Variants in GRIK4 observed in about 807,000 individuals in gnomAD.
The protein encoded by GRIK4 is glutamate ionotropic receptor kainate type subunit 4.
In GRIK4, 40 loss-of-function variants were observed where a neutral mutation model predicts 104.9. That is an observed-to-expected ratio of 0.38 (90% confidence interval 0.30 to 0.50). GRIK4 has a LOEUF of 0.50. Among genes scored for constraint, GRIK4 ranks in the 20% least tolerant of loss-of-function variants. The probability of loss-of-function intolerance (pLI) is 0.93; values close to 1 mark genes in which losing one functional copy is unlikely to be tolerated. For missense variants in GRIK4, 1,047 were observed against 1,308.1 expected (o/e 0.80, Z 3.08); for synonymous variants, 485 against 524.9 (o/e 0.92, Z 1.04).
chr11:120,712,053 G>A (rs765078771), intron 3 of GRIK4, among the ~76,000 whole-genome samples: 6 of 152,264 alleles, frequency 3.9e-5, no homozygotes, highest in African/African-American at 1.2e-4. Flanking sequence ...ACACAAGGTC[G>A]CTGCTTCACG....
intron 3 of GRIK4, among the ~76,000 whole-genome samples, chr11:120,768,026 T>G (rs1951869607): frequency 6.7e-6 from 1 of 149,494 alleles, no homozygotes; most frequent in Non-Finnish European, 1.5e-5. Context: ...CTTTGGATAT[T>G]AAGGGTTTTT....
intron 1 of GRIK4, among the ~76,000 whole-genome samples, chr11:120,637,584 G>A (rs55855531): frequency 0.01 from 1,555 of 152,282 alleles, 15 homozygotes; most frequent in South Asian, 0.045. Flanking sequence ...CAGCAACAGC[G>A]AGCCATGTGG....
intron 1 of GRIK4, among the ~76,000 whole-genome samples, chr11:120,541,097 G>A (rs1197071238): frequency 1.3e-5 from 2 of 152,266 alleles, no homozygotes; most frequent in African/African-American, 4.8e-5. Context: ...CTGGACTGAG[G>A]CGCAGCTACC....
Position 120,903,339 on chromosome 11 carries a change from C to T in GRIK4, c.1273-1951C>T, listed in dbSNP as rs1412229582. On this transcript the variant is annotated intron_variant, in intron 12 of 20. Coordinates refer to ENST00000527524, the MANE Select transcript of GRIK4 (RefSeq NM_014619.5). The surrounding 1 kb of genome is among the most constrained non-coding windows in gnomAD (Gnocchi z 4.4). ...TCTTCCCACACACCAAGACTCAAGC[C>T]TATCTGCCCCACTTTCAGCACAACT... Among the ~76,000 whole-genome samples, 1 of 152,108 alleles carries T rather than the reference C, an allele frequency of 6.6e-6. No individual in the cohort carries two copies. The highest frequency in any genetic ancestry group is 1.9e-4 in the East Asian group (1 of 5,176).
chr11:120,643,217 G>C (rs1199192724), intron 1 of GRIK4, among the ~76,000 whole-genome samples: 1 of 152,100 alleles, frequency 6.6e-6, no homozygotes, highest in Non-Finnish European at 1.5e-5. Flanking sequence ...AGCTACAAGG[G>C]GATAAGTGCT....
At chr11:120,775,535 A>G (rs754724755) in intron 3 of GRIK4, among the ~76,000 whole-genome samples, 1 of 152,260 alleles carries the variant, frequency 6.6e-6, no homozygotes, top group Admixed American at 6.5e-5. Flanking sequence ...AAACATGACC[A>G]TAATGACAGG....
In GRIK4 at chr11:120,698,091, C is replaced by G. The variant is rs969754956; in HGVS notation, c.82+37691C>G. Among the ~76,000 whole-genome samples, 5 of 152,262 alleles carry G rather than the reference C, an allele frequency of 3.3e-5. No individual in the cohort carries two copies. In the East Asian group the frequency reaches 9.6e-4, roughly 29 times the overall value. On this transcript the variant is annotated intron_variant, in intron 3 of 20. Transcript: ENST00000527524. Reference sequence around the variant, plus strand: ...CTTTGTGTGGTGTGGCGTTTCTCCACTCAACCCTGTCCATTTTACAAGTGT... The same window carrying G: ...CTTTGTGTGGTGTGGCGTTTCTCCAGTCAACCCTGTCCATTTTACAAGTGT...
At chr11:120,718,128 C>T (rs1447402337) in intron 3 of GRIK4, among the ~76,000 whole-genome samples, 1 of 152,146 alleles carries the variant, frequency 6.6e-6, no homozygotes, top group Non-Finnish European at 1.5e-5. Context: ...CTTCTCCCTC[C>T]TGCCATCTTC....
chr11:120,919,252 C>T (rs1943176436), intron 13 of GRIK4, among the ~76,000 whole-genome samples: 1 of 151,258 alleles, frequency 6.6e-6, no homozygotes, highest in African/African-American at 2.4e-5. Context: ...ACATCGCAGG[C>T]TGAAGAGAGG....
intron 1 of GRIK4, among the ~76,000 whole-genome samples, chr11:120,536,137 T>C (rs905906233): frequency 6.6e-6 from 1 of 152,206 alleles, no homozygotes; most frequent in African/African-American, 2.4e-5. Flanking sequence ...CAGGCAGATG[T>C]TTTCACAAAG....
Position 120,937,541 on chromosome 11 carries a change from T to C in GRIK4, c.1477-2806T>C, listed in dbSNP as rs1334631470. The stretch of plus-strand genomic sequence containing the variant: ...CAGCTTGTCACTGCCCTTTCCTGTC[T>C]CCTTCCCTGCCTCCCTTTCCCCCAG... On this transcript the variant is annotated intron_variant, in intron 13 of 20. Transcript: ENST00000527524. Among the ~76,000 whole-genome samples, 8 of 152,190 alleles carry C rather than the reference T, an allele frequency of 5.3e-5. No individual in the cohort carries two copies. In the East Asian group the frequency reaches 1.5e-3, roughly 29 times the overall value.
chr11:120,879,390 G>A (rs1954902633), intron 11 of GRIK4, among the ~76,000 whole-genome samples: 1 of 152,202 alleles, frequency 6.6e-6, no homozygotes, highest in Non-Finnish European at 1.5e-5. Flanking sequence ...CTGTCTGGAT[G>A]AGTGACTATT....
chr11:120,740,228 G>A (rs1951303145), intron 3 of GRIK4, among the ~76,000 whole-genome samples: 1 of 152,220 alleles, frequency 6.6e-6, no homozygotes, highest in African/African-American at 2.4e-5. Flanking sequence ...ATCGACAACT[G>A]TTATACCTGA....
chr11:120,937,639 G>A (rs894404917), intron 13 of GRIK4, among the ~76,000 whole-genome samples: 1 of 152,182 alleles, frequency 6.6e-6, no homozygotes, highest in African/African-American at 2.4e-5. Flanking sequence ...TGTGCATGAA[G>A]CCGGTTCCCT....
At chr11:120,895,076 G>A (rs996036883) in intron 11 of GRIK4, among the ~76,000 whole-genome samples, 1 of 152,136 alleles carries the variant, frequency 6.6e-6, no homozygotes, top group African/African-American at 2.4e-5. Context: ...AGGTGGGAAG[G>A]TGCGTTGCTC....
At chr11:120,626,780 C>T (rs1949265716) in intron 1 of GRIK4, among the ~76,000 whole-genome samples, 1 of 152,234 alleles carries the variant, frequency 6.6e-6, no homozygotes. Flanking sequence ...TGCTGGACTT[C>T]TGTGCTTTCT....
At chr11:120,865,829 T>A (rs1954393609) in intron 9 of GRIK4, among the ~76,000 whole-genome samples, 1 of 152,134 alleles carries the variant, frequency 6.6e-6, no homozygotes, top group Non-Finnish European at 1.5e-5. Context: ...AAAATAGGTT[T>A]ATTTGGTTCC....
Position 120,967,120 on chromosome 11 carries a change from C to A in GRIK4, c.2267-75C>A. ...GCAGGCAGGGTGGCCAGGAGGTGTG[C>A]CGGGAAGGGGAGCAGAGTGACACCT... is the stretch of plus-strand genomic sequence containing the variant. On this transcript the variant is annotated intron_variant, in intron 18 of 20. Transcript: ENST00000527524. The surrounding 1 kb of genome is among the most constrained non-coding windows in gnomAD (Gnocchi z 4.2). The A allele has an allele frequency of 6.6e-7, 1 of 1,504,388 alleles. No homozygotes were observed. The allele number at this position is 1,504,388 out of a possible 1,614,324, so 93.2% of individuals were successfully genotyped here.
At chr11:120,860,722 A>G (rs1591999087) in intron 8 of GRIK4, among the ~76,000 whole-genome samples, 3 of 152,326 alleles carry the variant, frequency 2.0e-5, no homozygotes, top group South Asian at 2.1e-4. Context: ...AAATGCTTAA[A>G]TGTGTATCAA....
Sources: allele counts gnomAD v4.1 joint callset (sites outside exome capture counted in the v4.1 genomes callset), GRCh38; gene constraint gnomAD v4.1.1; non-coding constraint Gnocchi (gnomAD v3.1); transcripts MANE v1.5; gene names NCBI Gene and HGNC (gene_info 2026-07-23, HGNC 2026-07-21).